Variants in MAGED1 observed in about 807,000 individuals in gnomAD.
MAGED1 encodes the protein melanoma-associated antigen D1.
A neutral mutation model predicts 54.1 loss-of-function variants in MAGED1; 3 were observed. That is an observed-to-expected ratio of 0.06 (90% CI 0.03 to 0.14). The LOEUF (loss-of-function observed/expected upper bound fraction) is 0.14, where lower values mean the gene tolerates loss of function less well. Ranked by LOEUF, MAGED1 falls within the 10% of genes least tolerant of loss-of-function variation. The pLI is 1.00. For missense variants in MAGED1, 485 were observed against 623.4 expected (o/e 0.78, Z 2.36); for synonymous variants, 217 against 227.3 (o/e 0.95, Z 0.41).
At position 51,898,320 on chromosome X, in the gene MAGED1, C is replaced by T; in HGVS notation, c.1774C>T (p.Arg592Cys). 1.7e-6 allele frequency: 2 copies of T among 1,210,925 alleles called. No individual in the cohort carries two copies. The highest frequency in any genetic ancestry group is 2.2e-6 in the Non-Finnish European group (2 of 894,931). The change falls in exon 9 of 13, where the codon CGT (arginine) becomes TGT (cysteine). Residue 592 changes from arginine (R) to cysteine (C), a missense_variant. Around this residue, in one of 2 missense-constraint regions of MAGED1, gnomAD observed 186 missense variants for 330.3 expected, o/e 0.56. Coordinates refer to ENST00000326587, the MANE Select transcript of MAGED1 (RefSeq NM_006986.4). ...LWEALRKMGL[R>C]PGVRHPLLGD... ...GGAGGCACTACGCAAGATGGGACTG[C>T]GTCCTGGGTATGATTGGGCTCTCTC...
At position 51,895,143 on chromosome X, in the gene MAGED1, A is replaced by G. The variant is rs1238979737; in HGVS notation, c.136A>G (p.Thr46Ala). ...ISEAPPTNQA[T>A]AAASPQSSQP... ...AGAGGCTCCACCTACTAACCAGGCCACCGCAGCTGCTAGTCCCCAGAGTTC... is the reference window on the plus strand; with the variant it reads ...AGAGGCTCCACCTACTAACCAGGCCGCCGCAGCTGCTAGTCCCCAGAGTTC... Residue 46 changes from threonine to alanine, a missense_variant, in exon 3 of 13, where the codon ACC (threonine) becomes GCC (alanine). Physicochemically the swap from Thr to Ala is moderately conservative, Grantham distance 58. This residue lies in a region of MAGED1 where 299 missense variants were observed against 293.1 expected (regional missense o/e 1.02). Coordinates refer to ENST00000326587, the MANE Select transcript of MAGED1 (RefSeq NM_006986.4). The G allele has an allele frequency of 8.3e-7, 1 of 1,210,232 alleles. No homozygotes were observed. Among genetic ancestry groups the G allele is most frequent in the African/African-American group, 1.7e-5 (1 of 57,277 alleles).
intron 1 of MAGED1, among the ~76,000 whole-genome samples, chrX:51,803,367 C>A (rs991830523): frequency 3.4e-4 from 37 of 110,104 alleles, no homozygotes; most frequent in Admixed American, 3.2e-3. Flanking sequence ...GACTCCTGGT[C>A]ATGCTTCACC....
At chrX:51,893,820 G>C (rs1928561414) in intron 1 of MAGED1, 65 bp downstream of exon 1, 1 of 109,908 alleles carries the variant, frequency 9.1e-6, no homozygotes, top group African/African-American at 3.3e-5. Context: ...TTTTTATCCC[G>C]ATCCCTTCAC....
upstream of MAGED1, among the ~76,000 whole-genome samples, chrX:51,888,756 G>A (rs1928329143): frequency 8.9e-6 from 1 of 111,908 alleles, no homozygotes; most frequent in Admixed American, 9.5e-5. Flanking sequence ...AACTGTTGTA[G>A]CACCTCTATA....
At chrX:51,889,105 A>G (rs1557363073), upstream of MAGED1, among the ~76,000 whole-genome samples, 1 of 111,163 alleles carries the variant, frequency 9.0e-6, no homozygotes, top group East Asian at 2.8e-4. Context: ...ATAGAACTAT[A>G]TACACATATT....
chrX:51,858,802 G>T (rs1278771674), intron 1 of MAGED1, among the ~76,000 whole-genome samples: 1 of 111,538 alleles, frequency 9.0e-6, no homozygotes, highest in African/African-American at 3.3e-5. Flanking sequence ...AGAAGCTAGG[G>T]TATGTGGCAT....
intron 1 of MAGED1, among the ~76,000 whole-genome samples, chrX:51,875,431 C>T (rs184453256): frequency 9.0e-6 from 1 of 111,551 alleles, no homozygotes; most frequent in East Asian, 2.8e-4. Context: ...TGGAACCTCT[C>T]AAGCAGTAAG....
At chrX:51,878,755 T>C (rs1428267351) in intron 1 of MAGED1, among the ~76,000 whole-genome samples, 2 of 111,631 alleles carry the variant, frequency 1.8e-5, no homozygotes, top group Non-Finnish European at 3.8e-5. Context: ...AAAATTCTTA[T>C]ACATATATAA....
intron 1 of MAGED1, among the ~76,000 whole-genome samples, chrX:51,803,279 A>G (rs782436061): frequency 9.1e-6 from 1 of 110,377 alleles, no homozygotes; most frequent in African/African-American, 3.3e-5. Flanking sequence ...TCGCCTCGCT[A>G]TCTCCTCCCT....
Position 51,878,282 on chromosome X carries a change from A to T in MAGED1, c.-36-15987A>T, listed in dbSNP as rs782803527. Among the ~76,000 whole-genome samples, 2 of 111,461 alleles carry T rather than the reference A, an allele frequency of 1.8e-5. 1 individual carries two copies. The highest frequency in any genetic ancestry group is 1.9e-4 in the Admixed American group (2 of 10,449). ...GGGGTGAGGAATTAACTGGAAGGGAATTGTGCAATATGAAGGAAGGTGTAA... is the reference window on the plus strand; with the variant it reads ...GGGGTGAGGAATTAACTGGAAGGGATTTGTGCAATATGAAGGAAGGTGTAA... On this transcript the variant is annotated intron_variant, in intron 1 of 12. Transcript: ENST00000375772.
In MAGED1 at chrX:51,872,919, A is replaced by G. The variant is rs140769849; in HGVS notation, c.-36-21350A>G. Among the ~76,000 whole-genome samples, 342 of 111,470 alleles carry G rather than the reference A, an allele frequency of 3.1e-3. 1 individual carries two copies. Among genetic ancestry groups the G allele is most frequent in the Admixed American group, 7.6e-3 (80 of 10,466 alleles). On this transcript the variant is annotated intron_variant, in intron 1 of 12. Coordinates refer to the MAGED1 transcript ENST00000375772. ...CAAATAATTAAGAATGGGTATAAAT[A>G]TAGGTAGCCAGCAATCCACAAGTGC...
At chrX:51,824,862 CTGTGTGTGTGTGTGTG>C (rs58934297) in intron 1 of MAGED1, among the ~76,000 whole-genome samples, 5 of 72,671 alleles carry the variant, frequency 6.9e-5, no homozygotes, top group South Asian at 7.0e-4. Context: ...TCTCAGAAAC[CTGTGTGTGTGTGTGTG>C]TGTGTGTGTG....
At chrX:51,805,507 A>G (rs1316368537) in intron 1 of MAGED1, among the ~76,000 whole-genome samples, 1 of 110,582 alleles carries the variant, frequency 9.0e-6, no homozygotes, top group Non-Finnish European at 1.9e-5. Flanking sequence ...TTATTTTATA[A>G]GACAATCCGG....
chrX:51,864,571 T>A (rs1467059933), intron 1 of MAGED1, among the ~76,000 whole-genome samples: 2 of 111,928 alleles, frequency 1.8e-5, no homozygotes, highest in African/African-American at 3.2e-5. Flanking sequence ...CAATATTGAT[T>A]CTTCCAATCC....
chrX:51,872,068 T>G (rs1441337939), intron 1 of MAGED1, among the ~76,000 whole-genome samples: 1 of 112,251 alleles, frequency 8.9e-6, no homozygotes, highest in African/African-American at 3.2e-5. Flanking sequence ...GCTGCATAAA[T>G]GTCTTCCTTT....
intron 1 of MAGED1, among the ~76,000 whole-genome samples, chrX:51,831,264 T>G (rs1307889203): frequency 8.9e-6 from 1 of 112,591 alleles, no homozygotes; most frequent in Non-Finnish European, 1.9e-5. Context: ...GAGATGCAAG[T>G]ACAGTGTTTT....
In MAGED1 at chrX:51,810,947, ATGT is replaced by A. The variant is rs781850932; in HGVS notation, c.-37+7834_-37+7836del. ...TTTACCACAGACATGAAGATGTAAAATGTTGTATGTATGTGTTGTTGATTTTTA... is the reference window on the plus strand; with the variant it reads ...TTTACCACAGACATGAAGATGTAAAATGTATGTATGTGTTGTTGATTTTTA... On this transcript the variant is annotated intron_variant, in intron 1 of 12. Coordinates refer to the MAGED1 transcript ENST00000375772. Among the ~76,000 whole-genome samples the A allele has an allele frequency of 1.4e-4, 16 of 112,106 alleles. No homozygotes were observed. The East Asian group carries it at 4.2e-3, about 29-fold the overall frequency.
At chrX:51,805,960 CTTTTCTTTTTT>C (rs1925011326) in intron 1 of MAGED1, among the ~76,000 whole-genome samples, 1 of 56,225 alleles carries the variant, frequency 1.8e-5, no homozygotes, top group Admixed American at 2.4e-4. Context: ...ATTTTCTTTT[CTTTTCTTTTTT>C]TTTTTTTTTT....
At chrX:51,817,372 G>A (rs782591250) in intron 1 of MAGED1, among the ~76,000 whole-genome samples, 3 of 111,595 alleles carry the variant, frequency 2.7e-5, no homozygotes, top group Non-Finnish European at 3.8e-5. Flanking sequence ...TTACCATAAC[G>A]CTAATGTTGT....
Sources: allele counts gnomAD v4.1 joint callset (sites outside exome capture counted in the v4.1 genomes callset), GRCh38; gene constraint gnomAD v4.1.1; regional missense constraint gnomAD v4.1.1; transcripts MANE v1.5; gene names NCBI Gene and HGNC (gene_info 2026-07-23, HGNC 2026-07-21).